Variants in MACROD2 observed in about 807,000 individuals in gnomAD.
MACROD2 encodes mono-ADP ribosylhydrolase 2.
Under a neutral mutation model 70.4 loss-of-function variants are expected in MACROD2, and 36 were observed. The observed-to-expected ratio is 0.51, with a 90% confidence interval of 0.39 to 0.68. MACROD2 has a LOEUF of 0.68. MACROD2 is among the 30% of genes least tolerant of loss of function. MACROD2 has a pLI of 0.00. For synonymous variants in MACROD2, 172 were observed against 178.8 expected, an observed-to-expected ratio of 0.96 and a Z score of 0.30; for missense variants, 496 against 538.4, an observed-to-expected ratio of 0.92 and a Z score of 0.78.
chr20:15,765,129 C>A (rs991905043), intron 8 of MACROD2, among the ~76,000 whole-genome samples: 1 of 152,158 alleles, frequency 6.6e-6, no homozygotes, highest in Non-Finnish European at 1.5e-5. Flanking sequence ...ACATAGCCCT[C>A]CATGCTCTAT....
In MACROD2 at chr20:15,887,731, T is replaced by C. The variant is rs536198091; in HGVS notation, c.775+1920T>C. Among the ~76,000 whole-genome samples the C allele has an allele frequency of 3.9e-5, 6 of 152,250 alleles. No homozygotes were observed. In the South Asian group the frequency reaches 1.0e-3, roughly 26 times the overall value. ...AATTTTAGATTTTCTAGTAGCCACA[T>C]TGAACAAAGTGAAAGGAAGAACGTA... On this transcript the variant is annotated intron_variant, in intron 10 of 17. Coordinates refer to ENST00000684519, the MANE Select transcript of MACROD2 (RefSeq NM_001351661.2).
chr20:15,611,089 A>G (rs1437005755), intron 8 of MACROD2, among the ~76,000 whole-genome samples: 1 of 139,798 alleles, frequency 7.2e-6, no homozygotes, highest in Non-Finnish European at 1.5e-5. Context: ...CTATTTTGCA[A>G]TCCTAAGAGA....
chr20:14,084,086 A>AC (rs2054042142), intron 2 of MACROD2, among the ~76,000 whole-genome samples: 1 of 147,888 alleles, frequency 6.8e-6, no homozygotes, highest in Non-Finnish European at 1.5e-5. Context: ...AACAAACAAA[A>AC]AAAAACCTTC....
intron 3 of MACROD2, among the ~76,000 whole-genome samples, chr20:14,441,072 C>T (rs1233066884): frequency 6.6e-6 from 1 of 152,148 alleles, no homozygotes; most frequent in African/African-American, 2.4e-5. Flanking sequence ...AAAACATGTG[C>T]ATTATTTATG....
At chr20:14,955,097 A>C (rs371907551) in intron 5 of MACROD2, among the ~76,000 whole-genome samples, 1 of 124,680 alleles carries the variant, frequency 8.0e-6, no homozygotes, top group Non-Finnish European at 1.6e-5. Context: ...AAATATATTA[A>C]ATATAATTTA....
At chr20:15,533,544 G>GCTCTCTCGCTCT (rs2047833249) in intron 8 of MACROD2, among the ~76,000 whole-genome samples, 1 of 141,066 alleles carries the variant, frequency 7.1e-6, no homozygotes, top group Admixed American at 7.0e-5. Context: ...TGTCTCTGTC[G>GCTCTCTCGCTCT]CTCTCTCTCT....
chr20:15,524,092 T>A (rs1342366785), intron 8 of MACROD2, among the ~76,000 whole-genome samples: 1 of 152,192 alleles, frequency 6.6e-6, no homozygotes, highest in African/African-American at 2.4e-5. Flanking sequence ...CATTCATGTT[T>A]GCTTTTGAAG....
intron 3 of MACROD2, among the ~76,000 whole-genome samples, chr20:14,241,803 A>C (rs2122236995): frequency 6.6e-6 from 1 of 152,274 alleles, no homozygotes; most frequent in Non-Finnish European, 1.5e-5. Context: ...TCATACTTAG[A>C]ATTTAATTTT....
chr20:14,277,271 A>C (rs1334242982), intron 3 of MACROD2, among the ~76,000 whole-genome samples: 1 of 152,152 alleles, frequency 6.6e-6, no homozygotes, highest in Non-Finnish European at 1.5e-5. Flanking sequence ...AACATGGTGA[A>C]ACCCCGTCTC....
intron 5 of MACROD2, among the ~76,000 whole-genome samples, chr20:15,213,729 G>T (rs1002705): frequency 5.3e-5 from 8 of 152,138 alleles, no homozygotes; most frequent in Non-Finnish European, 1.2e-4. Flanking sequence ...ACATCTGGAA[G>T]AGTAAATGGT....
At chr20:15,389,707 C>A (rs2045766730) in intron 6 of MACROD2, among the ~76,000 whole-genome samples, 1 of 152,120 alleles carries the variant, frequency 6.6e-6, no homozygotes, top group Admixed American at 6.6e-5. Context: ...GTTTTCAGAG[C>A]TTTTTAAATT....
At position 15,238,056 on chromosome 20, in the gene MACROD2, G is replaced by A. The variant is rs191477975; in HGVS notation, c.540+7995G>A. 4.5e-3 allele frequency among the ~76,000 whole-genome samples: 693 copies of A among 152,328 alleles called. 1 individual carries two copies. The highest frequency in any genetic ancestry group is 7.7e-3 in the Non-Finnish European group (524 of 68,030). ...TATTGATAAATGTCATTTCTGCATA[G>A]CAAGGGGACTTTACAAAATATTTGT... On this transcript the variant is annotated intron_variant, in intron 6 of 17. Coordinates refer to ENST00000684519, the MANE Select transcript of MACROD2 (RefSeq NM_001351661.2).
intron 3 of MACROD2, among the ~76,000 whole-genome samples, chr20:14,353,119 A>T (rs1162578028): frequency 1.3e-5 from 2 of 152,160 alleles, no homozygotes; most frequent in African/African-American, 4.8e-5. Flanking sequence ...TCACTTGTGT[A>T]AAAGTCCAAA....
At chr20:15,739,466 T>G (rs2051073156) in intron 8 of MACROD2, among the ~76,000 whole-genome samples, 1 of 151,968 alleles carries the variant, frequency 6.6e-6, no homozygotes, top group South Asian at 2.1e-4. Flanking sequence ...AAGAGACACA[T>G]GAAGATGCAA....
chr20:14,833,206 T>C (rs549681363), intron 5 of MACROD2, among the ~76,000 whole-genome samples: 12 of 152,286 alleles, frequency 7.9e-5, no homozygotes, highest in African/African-American at 2.9e-4. Context: ...CGTTTATCAC[T>C]AACTCTCATT....
At chr20:14,620,830 T>A (rs117019813) in intron 4 of MACROD2, among the ~76,000 whole-genome samples, 3,237 of 152,256 alleles carry the variant, frequency 0.021, 50 homozygotes, top group Non-Finnish European at 0.034. Flanking sequence ...TTTTCTTTAA[T>A]TTAAATGAGT....
intron 5 of MACROD2, among the ~76,000 whole-genome samples, chr20:14,696,977 T>C (rs1375898755): frequency 6.6e-6 from 1 of 152,204 alleles, no homozygotes; most frequent in Non-Finnish European, 1.5e-5. Flanking sequence ...TTCATTCTCA[T>C]GTAGAACATA....
intron 8 of MACROD2, among the ~76,000 whole-genome samples, chr20:15,527,038 T>C (rs1009604548): frequency 3.9e-5 from 6 of 152,200 alleles, no homozygotes; most frequent in African/African-American, 7.2e-5. Flanking sequence ...CAAAATATTA[T>C]GTAAAATAAA....
intron 4 of MACROD2, among the ~76,000 whole-genome samples, chr20:14,500,469 G>A (rs940418017): frequency 6.6e-6 from 1 of 152,160 alleles, no homozygotes; most frequent in African/African-American, 2.4e-5. Context: ...ACATGAACTT[G>A]TCTAGTTCTT....
Sources: allele counts gnomAD v4.1 joint callset (sites outside exome capture counted in the v4.1 genomes callset), GRCh38; gene constraint gnomAD v4.1.1; transcripts MANE v1.5; gene names NCBI Gene and HGNC (gene_info 2026-07-23, HGNC 2026-07-21).